Variants in NRXN1 observed in about 807,000 individuals in gnomAD.
NRXN1 encodes the protein neurexin-1.
A neutral mutation model predicts 150.9 loss-of-function variants in NRXN1; 39 were observed. The observed-to-expected ratio is 0.26, with a 90% confidence interval of 0.20 to 0.34. The LOEUF (loss-of-function observed/expected upper bound fraction) is 0.34, where lower values mean the gene tolerates loss of function less well. NRXN1 is among the 10% of genes least tolerant of loss of function. NRXN1 has a pLI of 1.00. For synonymous variants in NRXN1, 924 were observed against 757.0 expected, an observed-to-expected ratio of 1.22 and a Z score of -3.62; for missense variants, 1,815 against 1,949.9, an observed-to-expected ratio of 0.93 and a Z score of 1.30.
At chr2:50,755,880 A>G (rs533144442) in intron 5 of NRXN1, among the ~76,000 whole-genome samples, 1 of 151,976 alleles carries the variant, frequency 6.6e-6, no homozygotes, top group South Asian at 2.1e-4. Flanking sequence ...AAGTGTTGTG[A>G]GGGTTCCTTC....
intron 5 of NRXN1, among the ~76,000 whole-genome samples, chr2:50,788,997 A>G (rs1473340507): frequency 6.6e-6 from 1 of 152,132 alleles, no homozygotes; most frequent in Non-Finnish European, 1.5e-5. Context: ...AGGAGCAGGA[A>G]ATGGATTGGG....
At chr2:50,117,058 C>A (rs1034161062) in intron 18 of NRXN1, among the ~76,000 whole-genome samples, 1 of 151,998 alleles carries the variant, frequency 6.6e-6, no homozygotes, top group African/African-American at 2.4e-5. Flanking sequence ...TGTGTCTATG[C>A]ATGAAAAGCC....
At chr2:50,689,742 C>T (rs1691776031) in intron 5 of NRXN1, among the ~76,000 whole-genome samples, 2 of 152,280 alleles carry the variant, frequency 1.3e-5, no homozygotes, top group East Asian at 1.9e-4. Context: ...GACTGTCATA[C>T]ACTGCTTTGT....
intron 18 of NRXN1, among the ~76,000 whole-genome samples, chr2:50,199,929 T>C (rs1305115093): frequency 6.6e-6 from 1 of 152,180 alleles, no homozygotes; most frequent in African/African-American, 2.4e-5. Context: ...ATTTTATTAC[T>C]ATTTCTGGAC....
chr2:50,615,477 G>C (rs557089509), intron 8 of NRXN1: 4 of 152,064 alleles, frequency 2.6e-5, no homozygotes, highest in African/African-American at 7.2e-5. Flanking sequence ...AGAGCATTTC[G>C]GGGGCACAAA....
At chr2:49,986,319 G>A (rs546803990) in intron 21 of NRXN1, among the ~76,000 whole-genome samples, 1 of 152,150 alleles carries the variant, frequency 6.6e-6, no homozygotes, top group African/African-American at 2.4e-5. Flanking sequence ...TACTCTATTA[G>A]AAATTAAAGG....
intron 17 of NRXN1, among the ~76,000 whole-genome samples, chr2:50,355,247 A>G (rs141342385): frequency 0.014 from 1,940 of 141,938 alleles, 42 homozygotes; most frequent in African/African-American, 0.048. Flanking sequence ...TATAAATTAT[A>G]TATATATACA....
chr2:50,668,140 C>A (rs957741082), intron 5 of NRXN1, among the ~76,000 whole-genome samples: 2 of 151,964 alleles, frequency 1.3e-5, no homozygotes, highest in African/African-American at 4.8e-5. Flanking sequence ...TTCAACAAAG[C>A]CTCCATTTTA....
chr2:50,625,817 C>A (rs767624083), intron 5 of NRXN1, among the ~76,000 whole-genome samples: 7 of 152,038 alleles, frequency 4.6e-5, no homozygotes, highest in South Asian at 2.1e-4. Context: ...AATGTCTGTG[C>A]AGACATCTGG....
chr2:50,944,642 T>C (rs1173652716), intron 2 of NRXN1, among the ~76,000 whole-genome samples: 1 of 152,192 alleles, frequency 6.6e-6, no homozygotes, highest in East Asian at 1.9e-4. Flanking sequence ...AAGGAAATTG[T>C]ATACTGAGTA....
intron 5 of NRXN1, among the ~76,000 whole-genome samples, chr2:50,772,304 G>A (rs1200178304): frequency 2.0e-5 from 3 of 151,518 alleles, no homozygotes; most frequent in Non-Finnish European, 4.4e-5. Flanking sequence ...ACATTATCTA[G>A]GATGAGCTGC....
chr2:50,649,481 T>A (rs1685293486), intron 5 of NRXN1, among the ~76,000 whole-genome samples: 1 of 151,930 alleles, frequency 6.6e-6, no homozygotes, highest in Non-Finnish European at 1.5e-5. Flanking sequence ...ACCCTAGATT[T>A]TAAGGTGAAG....
At chr2:50,053,188 T>C in intron 21 of NRXN1, 83 bp downstream of exon 21, 1 of 1,420,792 alleles carries the variant, frequency 7.0e-7, no homozygotes, top group East Asian at 2.3e-5. Context: ...AATGTTCCAA[T>C]TTAGAAAAGA....
intron 21 of NRXN1, chr2:50,019,127 C>A (rs1027659123): frequency 2.2e-6 from 1 of 461,292 alleles, no homozygotes; most frequent in Non-Finnish European, 4.5e-6. Flanking sequence ...CTTTCATCAT[C>A]CCTAGGGTAT....
chr2:50,804,558 C>G (rs1488922716), intron 5 of NRXN1, among the ~76,000 whole-genome samples: 2 of 152,094 alleles, frequency 1.3e-5, no homozygotes, highest in Admixed American at 6.6e-5. Flanking sequence ...TGCTTTTGAC[C>G]CTTGCCATAA....
At chr2:50,918,500 A>G (rs1685530501) in intron 5 of NRXN1, 2 of 354,982 alleles carry the variant, frequency 5.6e-6, no homozygotes, top group Non-Finnish European at 5.1e-6. Context: ...CAAGCCTCCA[A>G]TCAAAGTGCC....
chr2:50,623,520 G>C lies in NRXN1; in HGVS notation c.928C>G (p.Leu310Val). The change falls in exon 6 of 23, where the codon CTG becomes GTG. Residue 310 changes from leucine (L) to valine (V), a missense_variant. By Grantham distance (32) the Leu-to-Val change is conservative. Coordinates refer to ENST00000401669, the MANE Select transcript of NRXN1 (RefSeq NM_001330078.2). ...TTCCTCTGAAGGGTTTTAAATGACA[G>C]AGTTATTTCATCACTGCTGCTTTGA... is the stretch of plus-strand genomic sequence containing the variant. ...PIQSSSDEIT[L>V]SFKTLQRNGL... The C allele has an allele frequency of 6.2e-7, 1 of 1,612,782 alleles. No homozygotes were observed. Among genetic ancestry groups the C allele is most frequent in the Admixed American group, 1.7e-5 (1 of 59,942 alleles).
At chr2:50,627,408 A>C (rs1681339372) in intron 5 of NRXN1, among the ~76,000 whole-genome samples, 1 of 141,708 alleles carries the variant, frequency 7.1e-6, no homozygotes, top group Non-Finnish European at 1.5e-5. Context: ...CATACTAATA[A>C]TTATATATGA....
At chr2:50,459,997 C>T (rs888840729) in intron 17 of NRXN1, among the ~76,000 whole-genome samples, 7 of 151,970 alleles carry the variant, frequency 4.6e-5, no homozygotes, top group African/African-American at 1.7e-4. Flanking sequence ...GGAAAAAAAA[C>T]ATTCAGATGA....
Sources: gnomAD v4.1 joint callset for allele counts (sites outside exome capture counted in the v4.1 genomes callset) on GRCh38, gnomAD v4.1.1 for gene constraint, MANE v1.5 for transcripts, NCBI Gene and HGNC (gene_info 2026-07-23, HGNC 2026-07-21) for gene names.